Variants in KALRN observed in about 807,000 individuals in gnomAD.
KALRN encodes the protein kalirin RhoGEF kinase.
KALRN carries 70 observed loss-of-function variants against 353.7 expected under a neutral mutation model. The observed-to-expected ratio is 0.20, with a 90% CI of 0.16 to 0.24. The LOEUF is 0.24. Ranked by LOEUF, KALRN falls within the 10% of genes least tolerant of loss-of-function variation. KALRN has a pLI of 1.00. For synonymous variants in KALRN, 1,391 were observed against 1,434.8 expected, an observed-to-expected ratio of 0.97 and a Z score of 0.69; for missense variants, 2,791 against 3,756.7, an observed-to-expected ratio of 0.74 and a Z score of 6.72.
At chr3:124,204,092 CA>C (rs2076196839) in intron 1 of KALRN, among the ~76,000 whole-genome samples, 1 of 152,120 alleles carries the variant, frequency 6.6e-6, no homozygotes, top group South Asian at 2.1e-4. Flanking sequence ...GCAACCTCTT[CA>C]AAAATGGGAA....
intron 13 of KALRN, among the ~76,000 whole-genome samples, chr3:124,411,895 CA>C (rs996873437): frequency 2.2e-4 from 34 of 152,234 alleles, no homozygotes; most frequent in African/African-American, 7.5e-4. Context: ...AAGGATGCCC[CA>C]CAATAAGTAA....
chr3:124,466,915 C>T (rs1394746025), intron 25 of KALRN, among the ~76,000 whole-genome samples: 1 of 152,192 alleles, frequency 6.6e-6, no homozygotes, highest in Admixed American at 6.5e-5. Context: ...ATATTTCTAC[C>T]CATTTCTCCC....
chr3:124,557,738 G>A (rs949415385), intron 33 of KALRN, among the ~76,000 whole-genome samples: 1 of 152,204 alleles, frequency 6.6e-6, no homozygotes, highest in African/African-American at 2.4e-5. Context: ...CAGGCAGCCA[G>A]GGGAGGAAGA....
At chr3:124,666,767 GGA>G (rs2085685160) in intron 46 of KALRN, 133 bp downstream of exon 46, 4 of 785,638 alleles carry the variant, frequency 5.1e-6, no homozygotes. Context: ...ATTCGGTCAT[GGA>G]GGCTGCACGA....
intron 29 of KALRN, 168 bp downstream of exon 29, chr3:124,488,483 A>ACCAATTT: frequency 1.7e-6 from 1 of 595,296 alleles, no homozygotes; most frequent in East Asian, 2.9e-5. Context: ...CTCCACAAGG[A>ACCAATTT]CCAATTTGGC....
At chr3:124,434,558 G>T in intron 17 of KALRN, 33 bp downstream of exon 17, 1 of 1,603,714 alleles carries the variant, frequency 6.2e-7, no homozygotes, top group South Asian at 1.1e-5. Flanking sequence ...TTGTGGGGCT[G>T]AGATTGCCAG....
At chr3:124,563,119 G>C (rs1300920856) in intron 34 of KALRN, 30 bp downstream of exon 34, 4 of 1,358,208 alleles carry the variant, frequency 2.9e-6, no homozygotes, top group African/African-American at 1.5e-5. Context: ...GGGAGGCACA[G>C]ACCAAGGAGG....
At chr3:124,663,367 C>T (rs2085143162) in intron 45 of KALRN, among the ~76,000 whole-genome samples, 1 of 152,166 alleles carries the variant, frequency 6.6e-6, no homozygotes, top group Admixed American at 6.5e-5. Flanking sequence ...CACATGCTGA[C>T]ATTCTGGGAT....
intron 1 of KALRN, among the ~76,000 whole-genome samples, chr3:124,035,454 G>A (rs1309846305): frequency 6.6e-6 from 1 of 152,082 alleles, no homozygotes. Context: ...GCAAAAGTCT[G>A]CATTTTCTTA....
chr3:124,702,134 T>C lies in KALRN; in HGVS notation c.8075+18T>C. 6.5e-7 allele frequency: 1 copy of C among 1,538,040 alleles called. No homozygotes were observed. ...ATTGGAAGGTAATGACACAGTTTTA[T>C]ATTCCTTCATTCATGAACACCTAGC... On this transcript the variant is annotated intron_variant, in intron 57 of 59. Coordinates refer to ENST00000682506, the MANE Select transcript of KALRN (RefSeq NM_001388419.1).
At position 124,033,650 on chromosome 3, in the gene KALRN, C is replaced by T. The variant is rs1253675391; in HGVS notation, c.-91C>T. Among the ~76,000 whole-genome samples, 1 of 151,686 alleles carries T rather than the reference C, an allele frequency of 6.6e-6. No homozygotes were observed. Among genetic ancestry groups the T allele is most frequent in the East Asian group, 2.0e-4 (1 of 5,128 alleles). Reference sequence around the variant, plus strand: ...GCCAGCTCTGCGGCCGCAGCAGCTGCGCCCCGCGCCCTCCGCCCACCGGGC... The same window carrying T: ...GCCAGCTCTGCGGCCGCAGCAGCTGTGCCCCGCGCCCTCCGCCCACCGGGC... On this transcript the variant is annotated 5_prime_UTR_variant, in exon 1 of 60. Transcript: ENST00000682506. The surrounding 1 kb of genome is among the most constrained non-coding windows in gnomAD (Gnocchi z 6.2).
intron 1 of KALRN, among the ~76,000 whole-genome samples, chr3:124,196,222 G>T (rs2075408908): frequency 6.6e-6 from 1 of 152,160 alleles, no homozygotes; most frequent in Non-Finnish European, 1.5e-5. Context: ...CAAGCTGCAG[G>T]TGGGGTCTTT....
At chr3:124,512,480 C>A (rs2066030906) in intron 33 of KALRN, among the ~76,000 whole-genome samples, 1 of 151,904 alleles carries the variant, frequency 6.6e-6, no homozygotes, top group Non-Finnish European at 1.5e-5. Flanking sequence ...TGAAACCCTG[C>A]CACTACTGAA....
At chr3:124,218,137 G>A (rs2077526061) in intron 1 of KALRN, among the ~76,000 whole-genome samples, 1 of 152,126 alleles carries the variant, frequency 6.6e-6, no homozygotes, top group Non-Finnish European at 1.5e-5. Flanking sequence ...GGTGGTTGAG[G>A]GGAGAAGCAT....
rs1025891582 is a variant in KALRN at position 124,334,850 on chromosome 3, A to G, written c.1647+355A>G. 8.5e-5 allele frequency among the ~76,000 whole-genome samples: 13 copies of G among 152,164 alleles called. No homozygotes were observed. Among genetic ancestry groups the G allele is most frequent in the Admixed American group, 3.9e-4 (6 of 15,282 alleles). On this transcript the variant is annotated intron_variant, in intron 9 of 59. Transcript: ENST00000682506. The surrounding 1 kb of genome is among the most constrained non-coding windows in gnomAD (Gnocchi z 4.2). ...CGCTCTGCCGCCTGGGCTGGAGTAT[A>G]GTGGTGTGATCTTGGCTCACTGCAA...
intron 42 of KALRN, among the ~76,000 whole-genome samples, 157 bp downstream of exon 42, chr3:124,658,674 G>C (rs2084412531): frequency 6.6e-6 from 1 of 152,220 alleles, no homozygotes; most frequent in South Asian, 2.1e-4. Context: ...AGAGAAAGCA[G>C]CTTCTTAGCT....
chr3:124,421,336 G>A lies in KALRN; in HGVS notation c.2543-1476G>A, dbSNP rs139211197. On this transcript the variant is annotated intron_variant, in intron 14 of 59. Transcript: ENST00000682506. ...TTAGAAACCAAGAGGACATGAATGT[G>A]AGAAGGCAGAAAGTTGAAAGTTTAA... Among the ~76,000 whole-genome samples the A allele has an allele frequency of 1.9e-3, 294 of 152,298 alleles. 2 individuals carry two copies. Among genetic ancestry groups the A allele is most frequent in the African/African-American group, 6.9e-3 (286 of 41,566 alleles).
chr3:124,694,337 C>A lies in KALRN; in HGVS notation c.7411C>A (p.Pro2471Thr). 1 of 1,613,746 alleles carries A rather than the reference C, an allele frequency of 6.2e-7. No individual in the cohort carries two copies. The highest frequency in any genetic ancestry group is 8.5e-7 in the Non-Finnish European group (1 of 1,179,782). Residue 2471 changes from proline to threonine, a missense_variant, in exon 53 of 60, where the codon CCA becomes ACA. By Grantham distance (38) the Pro-to-Thr change is conservative. Transcript: ENST00000682506. ...LNPNFIQEVA[P>T]EFLVPLVDVT... ...GTATGTTGATTTGATCACAGTGGCC[C>A]CAGAATTCCTTGTGCCCTTGGTGGA...
At chr3:124,146,829 A>G (rs1441310213) in intron 1 of KALRN, among the ~76,000 whole-genome samples, 1 of 127,446 alleles carries the variant, frequency 7.8e-6, no homozygotes, top group African/African-American at 2.9e-5. Flanking sequence ...GTGAGCTGAG[A>G]TTGCACCTCT....
Sources: gnomAD v4.1 joint callset for allele counts (sites outside exome capture counted in the v4.1 genomes callset) on GRCh38, gnomAD v4.1.1 for gene constraint, Gnocchi (gnomAD v3.1) non-coding constraint, MANE v1.5 for transcripts, NCBI Gene and HGNC (gene_info 2026-07-23, HGNC 2026-07-21) for gene names.